FSTL5: variants seen among roughly 807,000 people sequenced by gnomAD.
The protein encoded by FSTL5 is follistatin like 5.
FSTL5 carries 62 observed loss-of-function variants against 89.1 expected under a neutral mutation model. That is an observed-to-expected ratio of 0.70 (90% CI 0.57 to 0.86). The LOEUF (loss-of-function observed/expected upper bound fraction) is 0.86. Ranked by LOEUF, FSTL5 falls within the 40% of genes least tolerant of loss-of-function variation. The pLI is 0.00. For missense variants in FSTL5, 1,057 were observed against 1,001.6 expected (o/e 1.06, Z -0.75); for synonymous variants, 383 against 346.2 (o/e 1.11, Z -1.18).
intron 11 of FSTL5, among the ~76,000 whole-genome samples, chr4:161,502,974 T>G (rs1730350477): frequency 6.6e-6 from 1 of 151,666 alleles, no homozygotes; most frequent in African/African-American, 2.4e-5. Flanking sequence ...TTATATATAT[T>G]ATATTTTTTG....
intron 6 of FSTL5, among the ~76,000 whole-genome samples, chr4:161,719,621 C>A (rs768557286): frequency 6.6e-6 from 1 of 152,044 alleles, no homozygotes; most frequent in Non-Finnish European, 1.5e-5. Flanking sequence ...TCACAAGATT[C>A]CTTTCCTTTT....
chr4:161,777,643 T>C (rs571321180), intron 4 of FSTL5, among the ~76,000 whole-genome samples: 1 of 152,192 alleles, frequency 6.6e-6, no homozygotes, highest in Non-Finnish European at 1.5e-5. Flanking sequence ...ATTTGCACTT[T>C]TTATTTTTAA....
chr4:161,811,024 G>A (rs1380888805), intron 4 of FSTL5, among the ~76,000 whole-genome samples: 1 of 152,106 alleles, frequency 6.6e-6, no homozygotes, highest in Non-Finnish European at 1.5e-5. Flanking sequence ...ACTTCTGAGA[G>A]ATCCCTCTGC....
chr4:161,661,887 C>T (rs1484585259), intron 6 of FSTL5, among the ~76,000 whole-genome samples: 1 of 152,084 alleles, frequency 6.6e-6, no homozygotes, highest in African/African-American at 2.4e-5. Context: ...GAACTAAATA[C>T]AAATCATTTA....
intron 15 of FSTL5, among the ~76,000 whole-genome samples, chr4:161,402,099 GT>G (rs1731197794): frequency 6.6e-6 from 1 of 152,128 alleles, no homozygotes; most frequent in Non-Finnish European, 1.5e-5. Context: ...CAAAGGAACT[GT>G]TACCAGAAGG....
In FSTL5 at chr4:161,705,950, GTGTATATATA is replaced by G. The variant is rs1481455225; in HGVS notation, c.728-49466_728-49457del. ...CATATGCATGTGTGTGTGTAGATGT[GTGTATATATA>G]TATATATATATATATATATATATAT... On this transcript the variant is annotated intron_variant, in intron 6 of 15. Coordinates refer to ENST00000306100, the MANE Select transcript of FSTL5 (RefSeq NM_020116.5). 1.1e-3 allele frequency among the ~76,000 whole-genome samples: 20 copies of G among 18,628 alleles called. 1 individual carries two copies. Among genetic ancestry groups the G allele is most frequent in the African/African-American group, 2.5e-3 (20 of 8,044 alleles). 12.2% of individuals were successfully genotyped at this position (18,628 alleles called of 152,430 possible). A position where few individuals can be genotyped will look rare whatever the true frequency, so the allele number is the denominator to read the frequency against.
At chr4:161,760,477 C>T (rs755399790) in intron 5 of FSTL5, among the ~76,000 whole-genome samples, 2 of 152,010 alleles carry the variant, frequency 1.3e-5, no homozygotes, top group African/African-American at 2.4e-5. Context: ...GCTCTGGGTT[C>T]GGGACCTGCC....
chr4:161,544,153 A>C lies in FSTL5; in HGVS notation c.1016-1460T>G, dbSNP rs183040246. Among the ~76,000 whole-genome samples, 488 of 152,138 alleles carry C rather than the reference A, an allele frequency of 3.2e-3. 10 individuals are homozygous for C. Among genetic ancestry groups the C allele is most frequent in the Admixed American group, 0.027 (410 of 15,230 alleles). ...GATTAAAAAATTAAAAAAAATCAAAAAGAGGGAAATGCAAATCAAAACCAC... is the reference window on the plus strand; with the variant it reads ...GATTAAAAAATTAAAAAAAATCAAACAGAGGGAAATGCAAATCAAAACCAC... On this transcript the variant is annotated intron_variant, in intron 8 of 15. Transcript: ENST00000306100.
intron 10 of FSTL5, among the ~76,000 whole-genome samples, chr4:161,511,285 T>C (rs1362563563): frequency 6.6e-6 from 1 of 152,126 alleles, no homozygotes; most frequent in African/African-American, 2.4e-5. Context: ...TGTGTATGTT[T>C]TAGAGCCAAG....
At chr4:161,648,323 C>T (rs1342432429) in intron 7 of FSTL5, among the ~76,000 whole-genome samples, 1 of 152,134 alleles carries the variant, frequency 6.6e-6, no homozygotes, top group African/African-American at 2.4e-5. Flanking sequence ...CTAGACACTG[C>T]CAGGGGATTG....
chr4:162,020,157 T>A (rs776844318), intron 3 of FSTL5, among the ~76,000 whole-genome samples: 1 of 151,852 alleles, frequency 6.6e-6, no homozygotes, highest in Non-Finnish European at 1.5e-5. Flanking sequence ...TGAAAAAATA[T>A]ATGATTATCC....
At chr4:161,674,820 C>G (rs1056808394) in intron 6 of FSTL5, among the ~76,000 whole-genome samples, 21 of 152,202 alleles carry the variant, frequency 1.4e-4, no homozygotes, top group Non-Finnish European at 5.9e-5. Context: ...CAAGACATAC[C>G]CTACTCTGTT....
intron 8 of FSTL5, among the ~76,000 whole-genome samples, chr4:161,561,308 G>A (rs1005491161): frequency 6.6e-5 from 10 of 151,988 alleles, no homozygotes; most frequent in African/African-American, 2.2e-4. Flanking sequence ...AAGTATCTCT[G>A]TAAGACTCTT....
intron 4 of FSTL5, among the ~76,000 whole-genome samples, chr4:161,808,294 T>A (rs1395151408): frequency 6.6e-6 from 1 of 152,078 alleles, no homozygotes; most frequent in Non-Finnish European, 1.5e-5. Context: ...AGAATTACCA[T>A]AAGATCCAGC....
chr4:161,667,353 AAAC>A (rs932078732), intron 6 of FSTL5, among the ~76,000 whole-genome samples: 1 of 152,104 alleles, frequency 6.6e-6, no homozygotes, highest in Non-Finnish European at 1.5e-5. Flanking sequence ...GACCTAACAA[AAAC>A]TGTACTAACA....
chr4:161,469,178 G>T (rs773267097), intron 13 of FSTL5, among the ~76,000 whole-genome samples: 9 of 151,976 alleles, frequency 5.9e-5, no homozygotes, highest in Admixed American at 5.9e-4. Context: ...GACAGTTTTT[G>T]TCTTATTATG....
intron 4 of FSTL5, among the ~76,000 whole-genome samples, chr4:161,802,534 C>T (rs1210294930): frequency 2.0e-5 from 3 of 151,588 alleles, no homozygotes; most frequent in Non-Finnish European, 4.4e-5. Flanking sequence ...AACAAACTTC[C>T]TAAGTCTGTA....
intron 4 of FSTL5, among the ~76,000 whole-genome samples, chr4:161,808,722 G>A (rs1207762812): frequency 6.6e-6 from 1 of 152,096 alleles, no homozygotes; most frequent in Admixed American, 6.5e-5. Flanking sequence ...TACAGAATGT[G>A]AGAAAATATT....
At chr4:161,668,406 C>T (rs911289094) in intron 6 of FSTL5, among the ~76,000 whole-genome samples, 3 of 152,146 alleles carry the variant, frequency 2.0e-5, no homozygotes, top group South Asian at 4.1e-4. Flanking sequence ...CTATCAGGCC[C>T]AGATGGATTC....
Sources: allele counts gnomAD v4.1 joint callset (sites outside exome capture counted in the v4.1 genomes callset), GRCh38; gene constraint gnomAD v4.1.1; transcripts MANE v1.5; gene names NCBI Gene and HGNC (gene_info 2026-07-23, HGNC 2026-07-21).